The following LRP1B variants were observed in gnomAD, a reference collection of about 807,000 sequenced individuals.
LRP1B encodes low-density lipoprotein receptor-related protein 1B.
Under a neutral mutation model 556.6 loss-of-function variants are expected in LRP1B, and 217 were observed. The ratio of observed to expected loss-of-function variants is 0.39; its 90% CI spans 0.35 to 0.44. LRP1B has a LOEUF of 0.44. Among genes scored for constraint, LRP1B ranks in the 20% least tolerant of loss-of-function variants. The pLI, the probability that LRP1B is intolerant of heterozygous loss-of-function variation, is 1.00. For synonymous variants in LRP1B, 2,047 were observed against 1,865.8 expected (o/e 1.10, Z -2.50); for missense variants, 5,053 against 5,620.8 (o/e 0.90, Z 3.23).
intron 32 of LRP1B, among the ~76,000 whole-genome samples, chr2:140,807,154 A>G (rs2105021761): frequency 6.6e-6 from 1 of 152,308 alleles, no homozygotes; most frequent in Non-Finnish European, 1.5e-5. Flanking sequence ...GAAAATGTCA[A>G]AAGTTGTGAG....
intron 20 of LRP1B, among the ~76,000 whole-genome samples, chr2:140,949,955 A>G (rs932149671): frequency 1.0e-4 from 9 of 89,998 alleles, no homozygotes; most frequent in East Asian, 4.1e-4. Context: ...AAAAAAAAAA[A>G]AAAAAAAAAG....
chr2:140,631,776 A>T, intron 41 of LRP1B, among the ~76,000 whole-genome samples: 1 of 152,178 alleles, frequency 6.6e-6, no homozygotes, highest in East Asian at 1.9e-4. Flanking sequence ...ATAGACACAA[A>T]ACCATAGATC....
intron 2 of LRP1B, among the ~76,000 whole-genome samples, chr2:141,675,562 C>A (rs1236032128): frequency 6.6e-6 from 1 of 151,646 alleles, no homozygotes; most frequent in East Asian, 1.9e-4. Flanking sequence ...AATGACAGTA[C>A]CTACCCTATA....
chr2:140,807,806 C>T (rs1009524404), intron 32 of LRP1B, among the ~76,000 whole-genome samples: 2 of 152,114 alleles, frequency 1.3e-5, no homozygotes, highest in African/African-American at 4.8e-5. Context: ...CCAGCTCTGA[C>T]AGTTAGGAAA....
intron 7 of LRP1B, among the ~76,000 whole-genome samples, chr2:141,077,721 C>T (rs1181985139): frequency 6.6e-6 from 1 of 152,202 alleles, no homozygotes. Flanking sequence ...TTCCAGCCTT[C>T]CCTTCCGGAT....
intron 2 of LRP1B, among the ~76,000 whole-genome samples, chr2:141,648,842 C>G (rs1227333658): frequency 1.3e-5 from 2 of 152,220 alleles, no homozygotes; most frequent in Non-Finnish European, 2.9e-5. Context: ...TGTTCTGGCT[C>G]TTTGAATCCA....
intron 2 of LRP1B, among the ~76,000 whole-genome samples, chr2:141,590,875 A>G (rs541696704): frequency 1.3e-5 from 2 of 152,186 alleles, no homozygotes; most frequent in Admixed American, 6.5e-5. Context: ...CCAGCGTTAC[A>G]GAAGTCCTTT....
chr2:140,664,622 TA>T (rs765114898), intron 41 of LRP1B, among the ~76,000 whole-genome samples: 1 of 152,018 alleles, frequency 6.6e-6, no homozygotes, highest in Non-Finnish European at 1.5e-5. Context: ...CTTATCAAAA[TA>T]AAAAATATTT....
intron 43 of LRP1B, among the ~76,000 whole-genome samples, chr2:140,549,525 C>T (rs1454177604): frequency 6.6e-6 from 1 of 152,192 alleles, no homozygotes; most frequent in African/African-American, 2.4e-5. Flanking sequence ...CATTGTATCA[C>T]TGTCATGGAG....
At chr2:141,222,253 A>G (rs1325993008) in intron 6 of LRP1B, among the ~76,000 whole-genome samples, 3 of 152,344 alleles carry the variant, frequency 2.0e-5, no homozygotes, top group South Asian at 2.1e-4. Flanking sequence ...AGTGAATACT[A>G]TCAACACCTC....
At chr2:140,651,425 C>G in intron 41 of LRP1B, among the ~76,000 whole-genome samples, 1 of 146,534 alleles carries the variant, frequency 6.8e-6, no homozygotes, top group Middle Eastern at 3.6e-3. Flanking sequence ...GTGGGTGCAG[C>G]GCACCAGCAT....
At chr2:140,950,073 G>C (rs1412374206) in intron 20 of LRP1B, among the ~76,000 whole-genome samples, 162 bp downstream of exon 20, 1 of 151,642 alleles carries the variant, frequency 6.6e-6, no homozygotes, top group Non-Finnish European at 1.5e-5. Context: ...AAAAAGCAAA[G>C]AGGGAAAGGA....
chr2:141,649,890 C>A (rs898111368), intron 2 of LRP1B, among the ~76,000 whole-genome samples: 6 of 152,114 alleles, frequency 3.9e-5, no homozygotes, highest in African/African-American at 1.4e-4. Context: ...GCTTTAAAAA[C>A]CAGTTGGGGC....
At chr2:141,258,302 G>A (rs1277532168) in intron 3 of LRP1B, among the ~76,000 whole-genome samples, 1 of 152,014 alleles carries the variant, frequency 6.6e-6, no homozygotes, top group Non-Finnish European at 1.5e-5. Flanking sequence ...TGCCCAACAT[G>A]GTGAATCCCC....
chr2:141,369,957 G>A (rs1220152322), intron 3 of LRP1B, among the ~76,000 whole-genome samples: 2 of 152,126 alleles, frequency 1.3e-5, no homozygotes, highest in African/African-American at 2.4e-5. Context: ...TCATGTTGCT[G>A]CAAAAGACAT....
intron 86 of LRP1B, among the ~76,000 whole-genome samples, chr2:140,263,512 C>G (rs983847631): frequency 6.6e-6 from 1 of 152,042 alleles, no homozygotes; most frequent in Non-Finnish European, 1.5e-5. Flanking sequence ...CTTAACAATT[C>G]CTTCAATTTA....
At chr2:140,235,052 CAATATT>C (rs1237748012) in intron 89 of LRP1B, 168 bp from the exon 90 acceptor site, 7 of 408,738 alleles carry the variant, frequency 1.7e-5, no homozygotes, top group African/African-American at 1.0e-4. Flanking sequence ...TTAAAATATC[CAATATT>C]AATATTATTA....
At chr2:140,859,025 G>T (rs1027897754) in intron 27 of LRP1B, among the ~76,000 whole-genome samples, 1 of 151,856 alleles carries the variant, frequency 6.6e-6, no homozygotes, top group Admixed American at 6.6e-5. Flanking sequence ...TCACCATGTT[G>T]CCCAGGCTGC....
At chr2:140,612,089 G>A (rs79921390) in intron 41 of LRP1B, among the ~76,000 whole-genome samples, 2,076 of 152,130 alleles carry the variant, frequency 0.014, 24 homozygotes, top group Non-Finnish European at 0.02. Context: ...TGTTTCTTAA[G>A]TACCTACTAT....
Sources: gnomAD v4.1 joint callset for allele counts (sites outside exome capture counted in the v4.1 genomes callset) on GRCh38, gnomAD v4.1.1 for gene constraint, MANE v1.5 for transcripts, NCBI Gene and HGNC (gene_info 2026-07-23, HGNC 2026-07-21) for gene names.